ATRN: variants seen among roughly 807,000 people sequenced by gnomAD.
ATRN encodes attractin-2.
In ATRN, 54 loss-of-function variants were observed where a neutral mutation model predicts 178.7. That is an observed-to-expected ratio of 0.30 (90% CI 0.24 to 0.38). The LOEUF (loss-of-function observed/expected upper bound fraction) is 0.38, where lower values mean the gene tolerates loss of function less well. Ranked by LOEUF, ATRN falls within the 10% of genes least tolerant of loss-of-function variation. The pLI is 1.00. For synonymous variants in ATRN, 636 were observed against 663.0 expected (o/e 0.96, Z 0.63); for missense variants, 1,443 against 1,815.1 (o/e 0.79, Z 3.73).
At chr20:3,591,643 G>A (rs2086444263) in intron 19 of ATRN, among the ~76,000 whole-genome samples, 1 of 152,172 alleles carries the variant, frequency 6.6e-6, no homozygotes, top group Non-Finnish European at 1.5e-5. Context: ...GATCAGCTCA[G>A]ACATGGGAGT....
At chr20:3,586,246 T>C (rs2086355546) in intron 18 of ATRN, among the ~76,000 whole-genome samples, 1 of 152,236 alleles carries the variant, frequency 6.6e-6, no homozygotes, top group Admixed American at 6.5e-5. Flanking sequence ...TAATGTTATT[T>C]GGCAATAAAA....
chr20:3,577,274 T>C (rs1471035367), intron 14 of ATRN, among the ~76,000 whole-genome samples: 5 of 152,220 alleles, frequency 3.3e-5, no homozygotes, highest in Non-Finnish European at 7.3e-5. Context: ...TCCTTGTCTC[T>C]TTCCCATCCA....
intron 27 of ATRN, among the ~76,000 whole-genome samples, chr20:3,641,542 G>T (rs1286443415): frequency 1.6e-5 from 2 of 123,082 alleles, no homozygotes; most frequent in Non-Finnish European, 3.2e-5. Context: ...AGTGAGCTGA[G>T]ATTGCACCAC....
Position 3,578,759 on chromosome 20 carries a change from C to T in ATRN, c.2531C>T (p.Ser844Leu). ...CTTAAGCAGCTGCGAATAATGCAGTCATCTCAGAGCATGGTGAGTTAAAAT... is the reference window on the plus strand; with the variant it reads ...CTTAAGCAGCTGCGAATAATGCAGTTATCTCAGAGCATGGTGAGTTAAAAT... ...FVLKQLRIMQ[S>L]SQSMSKLTLT... Residue 844 changes from serine to leucine, a missense_variant, in exon 15 of 29, where the codon TCA becomes TTA. Around this residue, in one of 4 missense-constraint regions of ATRN, gnomAD observed 212 missense variants for 330.7 expected, o/e 0.64. Transcript: ENST00000262919. 1.2e-6 allele frequency: 2 copies of T among 1,611,250 alleles called. No homozygotes were observed. The highest frequency in any genetic ancestry group is 1.7e-6 in the Non-Finnish European group (2 of 1,179,002).
chr20:3,537,065 A>G (rs1404101791), intron 2 of ATRN, among the ~76,000 whole-genome samples: 3 of 152,238 alleles, frequency 2.0e-5, no homozygotes, highest in Non-Finnish European at 4.4e-5. Context: ...ACAACAGGTC[A>G]TTGAATTATG....
intron 25 of ATRN, among the ~76,000 whole-genome samples, chr20:3,625,800 C>T (rs1032408155): frequency 6.2e-4 from 94 of 152,268 alleles, no homozygotes; most frequent in African/African-American, 2.1e-3. Flanking sequence ...TTTCCCAGAT[C>T]CCATGTCTTC....
chr20:3,471,074 T>C lies in ATRN; in HGVS notation c.-34T>C, dbSNP rs1157383783. On this transcript the variant is annotated 5_prime_UTR_variant, in exon 1 of 29. The change abolishes an upstream ATG in the 5' untranslated region. Coordinates refer to ENST00000262919, the MANE Select transcript of ATRN (RefSeq NM_139321.3). Reference sequence around the variant, plus strand: ...GAGCCGGCCGTGCGGTGTGTGTGTATGTGTTCGCGGGGCGCCGTCTCAGCC... The same window carrying C: ...GAGCCGGCCGTGCGGTGTGTGTGTACGTGTTCGCGGGGCGCCGTCTCAGCC... 3.3e-6 allele frequency: 5 copies of C among 1,500,274 alleles called. No individual in the cohort carries two copies. The highest frequency in any genetic ancestry group is 1.5e-5 in the African/African-American group (1 of 68,902). 92.9% of individuals were successfully genotyped at this position (1,500,274 alleles called of 1,614,324 possible).
chr20:3,629,878 G>A (rs2086976617), intron 25 of ATRN, among the ~76,000 whole-genome samples: 1 of 152,192 alleles, frequency 6.6e-6, no homozygotes, highest in Non-Finnish European at 1.5e-5. Flanking sequence ...CTCTGGACAA[G>A]CCTCCTCCCT....
At chr20:3,537,739 C>A (rs185312976) in intron 2 of ATRN, among the ~76,000 whole-genome samples, 2 of 150,530 alleles carry the variant, frequency 1.3e-5, no homozygotes, top group Non-Finnish European at 3.0e-5. Context: ...CCTATTCCCA[C>A]CTATAAGTGA....
chr20:3,519,773 G>A (rs979451121), intron 1 of ATRN, among the ~76,000 whole-genome samples: 8 of 152,176 alleles, frequency 5.3e-5, no homozygotes, highest in Non-Finnish European at 1.0e-4. Context: ...ACGGATGGAT[G>A]TGGCAGTAAG....
chr20:3,550,092 C>T (rs1308779894), intron 6 of ATRN, among the ~76,000 whole-genome samples: 4 of 152,210 alleles, frequency 2.6e-5, no homozygotes, highest in South Asian at 2.1e-4. Flanking sequence ...CTTTCAGAGG[C>T]TGAGGCTGGC....
Position 3,547,489 on chromosome 20 carries a change from G to A in ATRN, c.943G>A (p.Gly315Ser), listed in dbSNP as rs752921148. ...RGCSCFSDWQGPGCSVPVPAN... is the reference protein window; with the variant it reads ...RGCSCFSDWQSPGCSVPVPAN... Reference sequence around the variant, plus strand: ...ATGCTCCTGCTTCTCAGACTGGCAGGGTAGGAGCTTCTTTCATTTTTATTT... The same window carrying A: ...ATGCTCCTGCTTCTCAGACTGGCAGAGTAGGAGCTTCTTTCATTTTTATTT... The change falls in exon 5 of 29, where the codon GGT becomes AGT. Residue 315 changes from glycine to serine, a missense_variant and splice_region_variant. Transcript: ENST00000262919. The A allele has an allele frequency of 6.2e-7, 1 of 1,604,314 alleles. No homozygotes were observed. The highest frequency in any genetic ancestry group is 1.1e-5 in the South Asian group (1 of 89,654).
chr20:3,565,734 G>A (rs1451796130), intron 11 of ATRN, among the ~76,000 whole-genome samples: 1 of 146,626 alleles, frequency 6.8e-6, no homozygotes, highest in Non-Finnish European at 1.5e-5. Context: ...GGAGTTGGAG[G>A]TTGCCGTGAG....
chr20:3,558,241 G>A (rs2085904559), intron 6 of ATRN, among the ~76,000 whole-genome samples: 1 of 152,108 alleles, frequency 6.6e-6, no homozygotes, highest in South Asian at 2.1e-4. Flanking sequence ...ATTCTGCAGT[G>A]TGCTATTTTA....
intron 23 of ATRN, among the ~76,000 whole-genome samples, chr20:3,602,499 G>A (rs1317611751): frequency 6.6e-6 from 1 of 152,184 alleles, no homozygotes; most frequent in African/African-American, 2.4e-5. Flanking sequence ...ACAAAGCAAT[G>A]AGATTGATGC....
intron 1 of ATRN, among the ~76,000 whole-genome samples, chr20:3,517,028 T>C (rs2085214582): frequency 6.6e-6 from 1 of 152,124 alleles, no homozygotes; most frequent in Admixed American, 6.5e-5. Flanking sequence ...GGTCAAATGG[T>C]ATTTCTGGTT....
At chr20:3,635,251 G>A (rs939859882) in intron 26 of ATRN, among the ~76,000 whole-genome samples, 1 of 151,670 alleles carries the variant, frequency 6.6e-6, no homozygotes, top group African/African-American at 2.4e-5. Flanking sequence ...ACTATACATC[G>A]GGTACAGTGT....
intron 1 of ATRN, among the ~76,000 whole-genome samples, chr20:3,515,296 A>C (rs1490691589): frequency 6.6e-6 from 1 of 152,204 alleles, no homozygotes; most frequent in Non-Finnish European, 1.5e-5. Flanking sequence ...GTGGTTAAAA[A>C]TGTATATAGG....
intron 1 of ATRN, among the ~76,000 whole-genome samples, chr20:3,509,895 C>A (rs2085101372): frequency 6.6e-6 from 1 of 152,162 alleles, no homozygotes; most frequent in Admixed American, 6.5e-5. Flanking sequence ...TACCCAAATT[C>A]ATTGTTAACA....
Sources: gnomAD v4.1 joint callset for allele counts (sites outside exome capture counted in the v4.1 genomes callset) on GRCh38, gnomAD v4.1.1 for gene constraint, gnomAD v4.1.1 regional missense constraint, MANE v1.5 for transcripts, NCBI Gene and HGNC (gene_info 2026-07-23, HGNC 2026-07-21) for gene names.